The following ADCY5 variants were observed in gnomAD, a reference collection of about 807,000 sequenced individuals.
ADCY5 encodes adenylate cyclase type 5.
A neutral mutation model predicts 119.7 loss-of-function variants in ADCY5; 30 were observed. The ratio of observed to expected loss-of-function variants is 0.25; its 90% CI spans 0.19 to 0.34. The LOEUF is 0.34. Among genes scored for constraint, ADCY5 ranks in the 10% least tolerant of loss-of-function variants. ADCY5 has a pLI of 1.00. For missense variants in ADCY5, 1,324 were observed against 1,775.2 expected, an observed-to-expected ratio of 0.75 and a Z score of 4.57; for synonymous variants, 753 against 762.2, an observed-to-expected ratio of 0.99 and a Z score of 0.20.
At chr3:123,322,731 T>C (rs1450066668) in intron 8 of ADCY5, among the ~76,000 whole-genome samples, 1 of 152,212 alleles carries the variant, frequency 6.6e-6, no homozygotes, top group Non-Finnish European at 1.5e-5. Context: ...ACTGGCAACC[T>C]TTTTATTAAT....
intron 1 of ADCY5, among the ~76,000 whole-genome samples, chr3:123,382,974 A>G (rs1435006426): frequency 6.6e-6 from 1 of 152,198 alleles, no homozygotes. Flanking sequence ...TCAATTTAAC[A>G]TGAAATCCAC....
At position 123,352,624 on chromosome 3, in the gene ADCY5, T is replaced by C. The variant is rs751262974; in HGVS notation, c.1135-43A>G. ...AGCACACCTAGCTCAGATCCTGACC[T>C]TCCTGGCCCCAAAGCATGAAGCCCT... is the stretch of plus-strand genomic sequence containing the variant. On this transcript the variant is annotated intron_variant, in intron 1 of 20. Transcript: ENST00000462833. This position sits in a 1 kb window ranked among gnomAD's most constrained non-coding sequence, Gnocchi z 4.8. 1.4e-4 allele frequency: 221 copies of C among 1,564,962 alleles called. No homozygotes were observed. Among genetic ancestry groups the C allele is most frequent in the Non-Finnish European group, 1.9e-4 (218 of 1,149,006 alleles).
chr3:123,298,697 G>A (rs1429582064), intron 15 of ADCY5, among the ~76,000 whole-genome samples: 3 of 152,162 alleles, frequency 2.0e-5, no homozygotes, highest in Non-Finnish European at 1.5e-5. Context: ...TAGCTCAGTG[G>A]CTGGCACATA....
At position 123,347,892 on chromosome 3, in the gene ADCY5, C is replaced by T. The variant is rs1254291278; in HGVS notation, c.1296G>A (p.Leu432=). The T allele has an allele frequency of 1.2e-6, 2 of 1,614,142 alleles. No individual in the cohort carries two copies. Among genetic ancestry groups the T allele is most frequent in the Non-Finnish European group, 8.5e-7 (1 of 1,180,008 alleles). ...QRENQQQERL[L]LSVLPRHVAM... is the part of the protein sequence containing the mutation. ...CAACATGACGGGGAAGGACAGACAG[C>T]AGGAGCCGTTCCTGCAGAGGGAAGC... The change falls in exon 3 of 21, where the codon CTG becomes CTA. Residue 432 remains leucine (L), a synonymous_variant. Coordinates refer to ENST00000462833, the MANE Select transcript of ADCY5 (RefSeq NM_183357.3).
intron 1 of ADCY5, among the ~76,000 whole-genome samples, chr3:123,372,062 C>T (rs1237927731): frequency 6.6e-6 from 1 of 152,204 alleles, no homozygotes; most frequent in East Asian, 1.9e-4. Context: ...AGCTGGTGTT[C>T]CTCTGCACTT....
At position 123,342,831 on chromosome 3, in the gene ADCY5, G is replaced by A. The variant is rs140422501; in HGVS notation, c.1406+4951C>T. ...GAGCCCTCTCAGGCCTGGCTGGGGC[G>A]TTCTCTGGCCCCTGAAACCTTTGGG... On this transcript the variant is annotated intron_variant, in intron 3 of 20. Transcript: ENST00000462833. Among the ~76,000 whole-genome samples, 301 of 152,314 alleles carry A rather than the reference G, an allele frequency of 2.0e-3. 2 individuals carry two copies. The highest frequency in any genetic ancestry group is 6.9e-3 in the African/African-American group (286 of 41,568).
chr3:123,303,175 C>T lies in ADCY5; in HGVS notation c.2604G>A (p.Glu868=). ...TGACCTGGCTCGCGCTGATGTTGTG[C>T]TCCTGTGCCAAGCAGCCCAGCAGGT... The part of the protein sequence containing the change: ...SRDLLGCLAQ[E]HNISASQVNA... Residue 868 remains glutamate (E), a synonymous_variant, in exon 14 of 21, where the codon GAG becomes GAA. Coordinates refer to ENST00000462833, the MANE Select transcript of ADCY5 (RefSeq NM_183357.3). 1.2e-6 allele frequency: 2 copies of T among 1,613,866 alleles called. No individual in the cohort carries two copies. Among genetic ancestry groups the T allele is most frequent in the Non-Finnish European group, 1.7e-6 (2 of 1,180,022 alleles).
chr3:123,296,295 G>A lies in ADCY5; in HGVS notation c.2931-79C>T. On this transcript the variant is annotated intron_variant, in intron 16 of 20. Coordinates refer to ENST00000462833, the MANE Select transcript of ADCY5 (RefSeq NM_183357.3). ...TCTGAGGACCCCACCCCCACCCACT[G>A]CTGGCCCTGTTTTCTTCCTCCCACT... 2.7e-6 allele frequency: 4 copies of A among 1,478,820 alleles called. No individual in the cohort carries two copies. In the South Asian group the frequency reaches 5.1e-5, roughly 19 times the overall value. 91.6% of individuals were successfully genotyped at this position (1,478,820 alleles called of 1,614,324 possible).
chr3:123,313,704 T>C (rs531824676), intron 12 of ADCY5, among the ~76,000 whole-genome samples: 7 of 152,282 alleles, frequency 4.6e-5, no homozygotes, highest in East Asian at 1.9e-4. Flanking sequence ...AAGAGCCACA[T>C]TTCTGCTGCC....
At chr3:123,290,429 T>A (rs1228542221) in intron 18 of ADCY5, among the ~76,000 whole-genome samples, 1 of 152,086 alleles carries the variant, frequency 6.6e-6, no homozygotes. Context: ...CTGGCCAAGC[T>A]CCATCATCCT....
chr3:123,443,463 C>T (rs186175025), intron 1 of ADCY5, among the ~76,000 whole-genome samples: 4 of 152,276 alleles, frequency 2.6e-5, no homozygotes, highest in Non-Finnish European at 4.4e-5. Flanking sequence ...TAGACAGATG[C>T]GCACGTGCTC....
intron 1 of ADCY5, among the ~76,000 whole-genome samples, chr3:123,404,814 G>A (rs1944860334): frequency 6.6e-6 from 1 of 152,206 alleles, no homozygotes; most frequent in Non-Finnish European, 1.5e-5. Flanking sequence ...AAACAGACTG[G>A]AGGAGTCAAG....
Position 123,447,587 on chromosome 3 carries a change from G to A in ADCY5, c.959C>T (p.Pro320Leu), listed in dbSNP as rs1335500504. The change falls in exon 1 of 21, where the codon CCG becomes CTG. Residue 320 changes from proline to leucine, a missense_variant. By Grantham distance (98) the Pro-to-Leu change is moderately conservative (BLOSUM62 -3). This residue lies in a region of ADCY5 where 585 missense variants were observed against 569.9 expected (regional missense o/e 1.03). Coordinates refer to ENST00000462833, the MANE Select transcript of ADCY5 (RefSeq NM_183357.3). ...LAVQVVGLLL[P>L]QPRSASEGIW... is the part of the protein sequence containing the mutation. Reference sequence around the variant, plus strand: ...GCCCTCAGAGGCGCTGCGTGGCTGCGGCAGCAGCAGGCCCACCACCTGGAC... The same window carrying A: ...GCCCTCAGAGGCGCTGCGTGGCTGCAGCAGCAGCAGGCCCACCACCTGGAC... The A allele has an allele frequency of 1.2e-6, 2 of 1,607,506 alleles. No individual in the cohort carries two copies. Among genetic ancestry groups the A allele is most frequent in the South Asian group, 1.1e-5 (1 of 90,732 alleles).
chr3:123,436,215 T>A (rs1343478637), intron 1 of ADCY5, among the ~76,000 whole-genome samples: 4 of 151,636 alleles, frequency 2.6e-5, no homozygotes, highest in African/African-American at 9.7e-5. Flanking sequence ...TTTTAAAAAA[T>A]TACCAAAAAT....
intron 12 of ADCY5, among the ~76,000 whole-genome samples, chr3:123,305,495 C>T (rs1347214871): frequency 1.3e-5 from 2 of 152,180 alleles, no homozygotes; most frequent in African/African-American, 4.8e-5. Flanking sequence ...AACCCAAACC[C>T]ACTACATGTA....
intron 1 of ADCY5, among the ~76,000 whole-genome samples, chr3:123,400,358 C>T (rs976133152): frequency 6.6e-6 from 1 of 152,184 alleles, no homozygotes; most frequent in South Asian, 2.1e-4. Context: ...TCCTTTTGTA[C>T]AGCAATTTGG....
intron 12 of ADCY5, among the ~76,000 whole-genome samples, chr3:123,310,084 G>A (rs1487324437): frequency 7.3e-6 from 1 of 137,004 alleles, no homozygotes; most frequent in East Asian, 4.0e-4. Context: ...ATCAGGCTGG[G>A]GGATAAGAGA....
chr3:123,304,432 T>A (rs2108271980), intron 12 of ADCY5, among the ~76,000 whole-genome samples: 1 of 151,824 alleles, frequency 6.6e-6, no homozygotes, highest in East Asian at 1.9e-4. Flanking sequence ...GGAACCCAGG[T>A]GAGAGAGGCA....
chr3:123,415,881 A>G (rs1945172872), intron 1 of ADCY5, among the ~76,000 whole-genome samples: 1 of 152,212 alleles, frequency 6.6e-6, no homozygotes, highest in East Asian at 1.9e-4. Context: ...GTAAATGGAC[A>G]TGATGGCTGG....
Sources: allele counts gnomAD v4.1 joint callset (sites outside exome capture counted in the v4.1 genomes callset), GRCh38; gene constraint gnomAD v4.1.1; regional missense constraint gnomAD v4.1.1; non-coding constraint Gnocchi (gnomAD v3.1); transcripts MANE v1.5; gene names NCBI Gene and HGNC (gene_info 2026-07-23, HGNC 2026-07-21).